Variants in SIPA1L3 observed in about 807,000 individuals in gnomAD.
SIPA1L3 encodes signal-induced proliferation-associated 1-like protein 3.
A neutral mutation model predicts 150.1 loss-of-function variants in SIPA1L3; 59 were observed. That is an observed-to-expected ratio of 0.39 (90% confidence interval 0.32 to 0.49). The LOEUF (loss-of-function observed/expected upper bound fraction) is 0.49, where lower values mean the gene tolerates loss of function less well. Among genes scored for constraint, SIPA1L3 ranks in the 20% least tolerant of loss-of-function variants. The pLI is 0.86. For synonymous variants in SIPA1L3, 1,070 were observed against 1,077.6 expected (o/e 0.99, Z 0.14); for missense variants, 2,211 against 2,489.5 (o/e 0.89, Z 2.38).
intron 1 of SIPA1L3, among the ~76,000 whole-genome samples, chr19:37,921,151 G>A (rs1216811090): frequency 6.6e-6 from 1 of 152,192 alleles, no homozygotes; most frequent in African/African-American, 2.4e-5. Flanking sequence ...GAAGAAAAAG[G>A]GCAAGATGCA....
At chr19:38,124,307 T>G (rs1971114246) in intron 9 of SIPA1L3, among the ~76,000 whole-genome samples, 1 of 143,472 alleles carries the variant, frequency 7.0e-6, no homozygotes, top group Non-Finnish European at 1.5e-5. Flanking sequence ...GCAGAGACGC[T>G]CCTCACCTCC....
In SIPA1L3 at chr19:38,027,907, C is replaced by T. The variant is rs1599924434; in HGVS notation, c.-378-1182C>T. Among the ~76,000 whole-genome samples the T allele has an allele frequency of 2.0e-5, 3 of 152,076 alleles. No individual in the cohort carries two copies. In the East Asian group the frequency reaches 5.8e-4, roughly 29 times the overall value. On this transcript the variant is annotated intron_variant, in intron 1 of 21. Coordinates refer to ENST00000222345, the MANE Select transcript of SIPA1L3 (RefSeq NM_015073.3). ...TGTGCCTCAGTTTCCTCATCTGTAA[C>T]ATGAAAGTAATAATAGTATCTTCTT...
At chr19:38,100,841 G>T (rs920787678) in intron 5 of SIPA1L3, among the ~76,000 whole-genome samples, 1 of 152,206 alleles carries the variant, frequency 6.6e-6, no homozygotes, top group Non-Finnish European at 1.5e-5. Flanking sequence ...TGGATACCTC[G>T]TTGTGCTTCT....
intron 1 of SIPA1L3, among the ~76,000 whole-genome samples, chr19:38,011,566 G>T (rs1012494979): frequency 2.6e-5 from 4 of 152,206 alleles, no homozygotes; most frequent in African/African-American, 7.2e-5. Flanking sequence ...GGTCAGGGAA[G>T]ACCTCCCTGG....
At chr19:38,012,037 T>G (rs1466648774) in intron 1 of SIPA1L3, among the ~76,000 whole-genome samples, 1 of 151,742 alleles carries the variant, frequency 6.6e-6, no homozygotes, top group Non-Finnish European at 1.5e-5. Flanking sequence ...ACACACAGGT[T>G]GTCTCCTGTG....
chr19:37,971,635 G>A (rs113652637), intron 1 of SIPA1L3, among the ~76,000 whole-genome samples: 51 of 151,866 alleles, frequency 3.4e-4, no homozygotes, highest in African/African-American at 1.1e-3. Flanking sequence ...GCGCGATCTC[G>A]GCTCACTGCT....
At chr19:37,924,221 T>C (rs1290560995) in intron 1 of SIPA1L3, among the ~76,000 whole-genome samples, 1 of 152,156 alleles carries the variant, frequency 6.6e-6, no homozygotes. Flanking sequence ...TGAGCTGCTT[T>C]TAGTAAAAAC....
At chr19:37,988,242 G>A (rs1967412663) in intron 1 of SIPA1L3, among the ~76,000 whole-genome samples, 1 of 152,202 alleles carries the variant, frequency 6.6e-6, no homozygotes, top group Non-Finnish European at 1.5e-5. Flanking sequence ...GTCAAGGCCA[G>A]GTGCAGTGGC....
intron 1 of SIPA1L3, among the ~76,000 whole-genome samples, chr19:37,929,597 T>A (rs2046534962): frequency 6.6e-6 from 1 of 152,124 alleles, no homozygotes; most frequent in East Asian, 1.9e-4. Flanking sequence ...GTGCGAGGTC[T>A]TTGAGAGCAC....
intron 1 of SIPA1L3, among the ~76,000 whole-genome samples, chr19:38,009,420 T>C (rs1968047122): frequency 1.3e-5 from 2 of 152,154 alleles, no homozygotes; most frequent in Non-Finnish European, 2.9e-5. Context: ...GGCTGTGTGC[T>C]TAATCTTATC....
At chr19:38,181,895 T>C (rs1345503958) in intron 15 of SIPA1L3, among the ~76,000 whole-genome samples, 1 of 149,650 alleles carries the variant, frequency 6.7e-6, no homozygotes, top group Non-Finnish European at 1.5e-5. Flanking sequence ...GCTCATCCTG[T>C]AATCCCAACA....
chr19:38,023,225 G>A (rs1311305697), intron 1 of SIPA1L3, among the ~76,000 whole-genome samples: 1 of 152,288 alleles, frequency 6.6e-6, no homozygotes, highest in East Asian at 1.9e-4. Flanking sequence ...ACACTAGCAC[G>A]CCTATCTTCT....
intron 1 of SIPA1L3, among the ~76,000 whole-genome samples, chr19:37,914,347 C>T (rs1448353428): frequency 6.6e-6 from 1 of 151,336 alleles, no homozygotes. Flanking sequence ...AGAGTTAATT[C>T]CTAGTTTTCA....
intron 1 of SIPA1L3, among the ~76,000 whole-genome samples, chr19:37,948,671 G>T (rs1355415832): frequency 1.3e-5 from 2 of 152,172 alleles, no homozygotes; most frequent in Admixed American, 1.3e-4. Flanking sequence ...TAGGGCTCAG[G>T]ACAGGCACGG....
At chr19:37,908,374 A>T (rs1316586237) in intron 1 of SIPA1L3, among the ~76,000 whole-genome samples, 1 of 152,200 alleles carries the variant, frequency 6.6e-6, no homozygotes, top group Admixed American at 6.5e-5. Flanking sequence ...CTTATGTATT[A>T]TAATTGTTCT....
At chr19:38,008,530 G>T (rs1403013788) in intron 1 of SIPA1L3, among the ~76,000 whole-genome samples, 1 of 151,714 alleles carries the variant, frequency 6.6e-6, no homozygotes, top group African/African-American at 2.4e-5. Flanking sequence ...CTCCTGGCTA[G>T]GCTACCTTTT....
At chr19:38,204,561 C>T (rs952742065) in intron 21 of SIPA1L3, among the ~76,000 whole-genome samples, 2 of 152,096 alleles carry the variant, frequency 1.3e-5, no homozygotes, top group African/African-American at 2.4e-5. Context: ...GTCAGGAGTT[C>T]GAGACCAGCC....
chr19:38,065,584 T>A (rs1368751156), intron 2 of SIPA1L3, among the ~76,000 whole-genome samples: 1 of 116,314 alleles, frequency 8.6e-6, no homozygotes, highest in Non-Finnish European at 2.0e-5. Context: ...ACCTAGCTAA[T>A]TTTTTTTTTG....
At chr19:38,002,759 T>C (rs1286297683) in intron 1 of SIPA1L3, among the ~76,000 whole-genome samples, 2 of 148,760 alleles carry the variant, frequency 1.3e-5, no homozygotes, top group Non-Finnish European at 3.0e-5. Flanking sequence ...TATGTATATA[T>C]ATATATCTCA....
Sources: allele counts gnomAD v4.1 joint callset (sites outside exome capture counted in the v4.1 genomes callset), GRCh38; gene constraint gnomAD v4.1.1; transcripts MANE v1.5; gene names NCBI Gene and HGNC (gene_info 2026-07-23, HGNC 2026-07-21).